Variants in PCDHGA1 observed in about 807,000 individuals in gnomAD.
PCDHGA1 encodes protocadherin gamma subfamily A, 1, also known as protocadherin gamma-A1.
A neutral mutation model predicts 58.0 loss-of-function variants in PCDHGA1; 32 were observed. The observed-to-expected ratio is 0.55, with a 90% CI of 0.42 to 0.74. The LOEUF is 0.74. Ranked by LOEUF, PCDHGA1 falls within the 30% of genes least tolerant of loss-of-function variation. PCDHGA1 has a pLI of 0.00. For synonymous variants in PCDHGA1, 498 were observed against 501.1 expected (o/e 0.99, Z 0.08); for missense variants, 1,205 against 1,182.3 (o/e 1.02, Z -0.28).
chr5:141,331,575 C>T lies in PCDHGA1; in HGVS notation c.891C>T (p.Tyr297=), dbSNP rs762218557. ...RVAQIFRLDS[Y]TGEISNKEPL... ...CCCAAATATTTCGTTTAGATTCTTA[C>T]ACAGGAGAAATATCAAATAAAGAAC... Residue 297 remains tyrosine (Y), a synonymous_variant, in exon 1 of 4, where the codon TAC becomes TAT. Transcript: ENST00000517417. The T allele has an allele frequency of 6.2e-7, 1 of 1,614,092 alleles. No homozygotes were observed.
At chr5:141,355,120 T>C (rs1759719177) in intron 1 of PCDHGA1, 2 of 1,514,578 alleles carry the variant, frequency 1.3e-6, no homozygotes, top group Non-Finnish European at 8.8e-7. Flanking sequence ...GCACTTTATT[T>C]TGGACCCAGA....
At chr5:141,473,369 G>A (rs888984972) in intron 1 of PCDHGA1, among the ~76,000 whole-genome samples, 1 of 152,200 alleles carries the variant, frequency 6.6e-6, no homozygotes, top group African/African-American at 2.4e-5. Context: ...CACCAAAATA[G>A]CATGGTCCCT....
intron 1 of PCDHGA1, chr5:141,423,111 T>C (rs1394665462): frequency 3.1e-6 from 5 of 1,613,718 alleles, no homozygotes; most frequent in South Asian, 1.1e-5. Flanking sequence ...GCGAGGTGCG[T>C]ACAGCGCGGG....
At chr5:141,509,163 C>T (rs561329093) in intron 3 of PCDHGA1, among the ~76,000 whole-genome samples, 1 of 152,204 alleles carries the variant, frequency 6.6e-6, no homozygotes, top group East Asian at 1.9e-4. Context: ...CTCCCGTGTG[C>T]CCTCCTCCTC....
At chr5:141,419,104 C>T (rs756257411) in intron 1 of PCDHGA1, 75 of 1,613,732 alleles carry the variant, frequency 4.6e-5, no homozygotes, top group Non-Finnish European at 5.9e-5. Context: ...GGGAGCAGAC[C>T]CCAGAGTACA....
At chr5:141,393,017 C>T (rs1192044321) in intron 1 of PCDHGA1, 2 of 1,613,754 alleles carry the variant, frequency 1.2e-6, no homozygotes, top group Non-Finnish European at 1.7e-6. Context: ...GTATCGTCTC[C>T]AGAGGTAGGA....
At chr5:141,466,929 T>C (rs2099132302) in intron 1 of PCDHGA1, among the ~76,000 whole-genome samples, 1 of 152,232 alleles carries the variant, frequency 6.6e-6, no homozygotes, top group African/African-American at 2.4e-5. Context: ...TTAGGAATAT[T>C]AGTCCTTTGT....
At position 141,487,991 on chromosome 5, in the gene PCDHGA1, G is replaced by C. The variant is rs932744807; in HGVS notation, c.2422-6816G>C. ...GCTGTTTTCTCTACTCTTCCTGAAA[G>C]AGGGGATCAGATTCTGAAGTACCTT... On this transcript the variant is annotated intron_variant, in intron 1 of 3. Coordinates refer to ENST00000517417, the MANE Select transcript of PCDHGA1 (RefSeq NM_018912.3). The surrounding 1 kb of genome is among the most constrained non-coding windows in gnomAD (Gnocchi z 5.0). 2.6e-5 allele frequency among the ~76,000 whole-genome samples: 4 copies of C among 152,194 alleles called. No homozygotes were observed. The highest frequency in any genetic ancestry group is 4.4e-5 in the Non-Finnish European group (3 of 68,030).
At position 141,487,790 on chromosome 5, in the gene PCDHGA1, C is replaced by T. The variant is rs1360781901; in HGVS notation, c.2422-7017C>T. 6.6e-7 allele frequency: 1 copy of T among 1,511,992 alleles called. No individual in the cohort carries two copies. Among genetic ancestry groups the T allele is most frequent in the Non-Finnish European group, 8.9e-7 (1 of 1,120,458 alleles). The allele number at this position is 1,511,992 out of a possible 1,614,324, so 93.7% of individuals were successfully genotyped here. ...GCTTTGTAACTGTTTCGTGAATTAA[C>T]CAGAGTTGTCACAGTTTAGCATTGG... On this transcript the variant is annotated intron_variant, in intron 1 of 3. Coordinates refer to ENST00000517417, the MANE Select transcript of PCDHGA1 (RefSeq NM_018912.3). This position sits in a 1 kb window ranked among gnomAD's most constrained non-coding sequence, Gnocchi z 5.0.
chr5:141,502,126 A>C (rs2154593060), intron 2 of PCDHGA1, among the ~76,000 whole-genome samples: 1 of 152,252 alleles, frequency 6.6e-6, no homozygotes, highest in South Asian at 2.1e-4. Flanking sequence ...AGGCCCACAG[A>C]GCTCAGTCGG....
At chr5:141,454,620 G>T (rs1028840158) in intron 1 of PCDHGA1, among the ~76,000 whole-genome samples, 1 of 151,520 alleles carries the variant, frequency 6.6e-6, no homozygotes, top group East Asian at 1.9e-4. Flanking sequence ...TGGTCAGGCT[G>T]GTCTCGAACC....
At chr5:141,467,337 G>A (rs1018807977) in intron 1 of PCDHGA1, among the ~76,000 whole-genome samples, 1 of 152,162 alleles carries the variant, frequency 6.6e-6, no homozygotes, top group Admixed American at 6.6e-5. Flanking sequence ...AGAGACGTAA[G>A]CCACTGCCCC....
chr5:141,408,290 A>T (rs767669019), intron 1 of PCDHGA1: 80 of 1,613,008 alleles, frequency 5.0e-5, no homozygotes, highest in Non-Finnish European at 6.1e-5. Context: ...CCCCACCCTG[A>T]GTGAGCCGAT....
intron 1 of PCDHGA1, chr5:141,346,340 T>C (rs776812616): frequency 1.2e-6 from 2 of 1,614,128 alleles, no homozygotes; most frequent in Non-Finnish European, 1.7e-6. Flanking sequence ...GCCACCTGAT[T>C]TTCCCCCAGC....
intron 1 of PCDHGA1, chr5:141,364,306 G>A (rs760708821): frequency 2.6e-6 from 4 of 1,522,568 alleles, no homozygotes; most frequent in East Asian, 4.5e-5. Flanking sequence ...CCAGAACTAA[G>A]AGAAAATTGG....
chr5:141,493,694 G>A lies in PCDHGA1; in HGVS notation c.2422-1113G>A, dbSNP rs929897875. On this transcript the variant is annotated intron_variant, in intron 1 of 3. Transcript: ENST00000517417. This position sits in a 1 kb window ranked among gnomAD's most constrained non-coding sequence, Gnocchi z 4.3. ...CCCCAGAATGGTGCTGGTGACTCCC[G>A]ATACACCTGGAATGCTAGGTTTCTG... Among the ~76,000 whole-genome samples the A allele has an allele frequency of 5.9e-5, 9 of 152,130 alleles. No individual in the cohort carries two copies. Among genetic ancestry groups the A allele is most frequent in the African/African-American group, 9.7e-5 (4 of 41,404 alleles).
At chr5:141,463,265 A>G (rs2099055701) in intron 1 of PCDHGA1, among the ~76,000 whole-genome samples, 1 of 151,998 alleles carries the variant, frequency 6.6e-6, no homozygotes, top group African/African-American at 2.4e-5. Flanking sequence ...ACTCTATCCC[A>G]TAAATTCTGG....
chr5:141,355,518 G>T, intron 1 of PCDHGA1: 2 of 1,614,050 alleles, frequency 1.2e-6, no homozygotes, highest in African/African-American at 2.7e-5. Context: ...TGACAAACCT[G>T]GAGATTCTTC....
intron 1 of PCDHGA1, among the ~76,000 whole-genome samples, chr5:141,456,297 A>G (rs537379475): frequency 6.6e-6 from 1 of 152,274 alleles, no homozygotes; most frequent in African/African-American, 2.4e-5. Context: ...CGTCTAATGG[A>G]GAACAGCAGC....
Sources: gnomAD v4.1 joint callset for allele counts (sites outside exome capture counted in the v4.1 genomes callset) on GRCh38, gnomAD v4.1.1 for gene constraint, Gnocchi (gnomAD v3.1) non-coding constraint, MANE v1.5 for transcripts, NCBI Gene and HGNC (gene_info 2026-07-23, HGNC 2026-07-21) for gene names.